The following NPC1 variants were observed in gnomAD, a reference collection of about 807,000 sequenced individuals.
NPC1 encodes the protein Niemann-Pick C1 protein.
Under a neutral mutation model 140.4 loss-of-function variants are expected in NPC1, and 85 were observed. The ratio of observed to expected loss-of-function variants is 0.61; its 90% CI spans 0.51 to 0.72. NPC1 has a LOEUF of 0.72. NPC1 is among the 30% of genes least tolerant of loss of function. The probability of loss-of-function intolerance (pLI) is 0.00; values close to 1 mark genes in which losing one functional copy is unlikely to be tolerated. For missense variants in NPC1, 1,504 were observed against 1,623.8 expected (o/e 0.93, Z 1.27); for synonymous variants, 656 against 624.8 (o/e 1.05, Z -0.74).
intron 6 of NPC1, among the ~76,000 whole-genome samples, chr18:23,558,843 G>T (rs2058993349): frequency 6.6e-6 from 1 of 152,090 alleles, no homozygotes. Context: ...TTTAGCATTA[G>T]GTATATCTCC....
downstream of NPC1, chr18:23,530,530 A>G: frequency 1.2e-6 from 2 of 1,614,276 alleles, no homozygotes; most frequent in Non-Finnish European, 1.7e-6. Context: ...AGCAGACTGA[A>G]GACAACATGC....
intron 1 of NPC1, chr18:23,576,577 T>G (rs1372608241): frequency 1.2e-6 from 1 of 811,004 alleles, no homozygotes; most frequent in East Asian, 1.1e-4. Context: ...ACTTCAAGAA[T>G]GAAGCCGCGG....
At chr18:23,529,846 CATT>C (rs1217243788), downstream of NPC1, 5 of 1,069,078 alleles carry the variant, frequency 4.7e-6, no homozygotes, top group East Asian at 7.1e-5. Flanking sequence ...TGACTCCTGA[CATT>C]ATTAGTTGGA....
intron 4 of NPC1, among the ~76,000 whole-genome samples, chr18:23,567,776 G>A (rs532231729): frequency 1.3e-4 from 20 of 152,248 alleles, no homozygotes; most frequent in African/African-American, 4.8e-4. Context: ...GTTTTGAAAC[G>A]ATTGTACCAA....
downstream of NPC1, chr18:23,527,662 A>T: frequency 5.6e-6 from 1 of 177,412 alleles, no homozygotes; most frequent in South Asian, 9.2e-5. Context: ...CAGGTCTTTA[A>T]AGTAGAGTGT....
chr18:23,558,716 AG>A (rs1365671448), intron 6 of NPC1, among the ~76,000 whole-genome samples: 1 of 150,552 alleles, frequency 6.6e-6, no homozygotes, highest in Non-Finnish European at 1.5e-5. Context: ...TTGTACTATG[AG>A]TTTTTTTTTT....
intron 6 of NPC1, among the ~76,000 whole-genome samples, chr18:23,558,696 G>A (rs1437779122): frequency 1.3e-5 from 2 of 152,026 alleles, no homozygotes; most frequent in Non-Finnish European, 1.5e-5. Context: ...CATGGTCGTG[G>A]TTTTGATCAT....
At chr18:23,538,693 G>T in intron 19 of NPC1, 22 bp from the exon 20 acceptor site, 2 of 1,613,304 alleles carry the variant, frequency 1.2e-6, no homozygotes, top group Non-Finnish European at 1.7e-6. Flanking sequence ...ATGCAGGGAG[G>T]ACTGTTAGAA....
In NPC1 at chr18:23,533,399, G is replaced by T; in HGVS notation, c.3710C>A (p.Ala1237Asp). The T allele has an allele frequency of 6.2e-7, 1 of 1,614,064 alleles. No homozygotes were observed. Among genetic ancestry groups the T allele is most frequent in the Non-Finnish European group, 8.5e-7 (1 of 1,179,958 alleles). The change falls in exon 24 of 25, where the codon GCC (alanine) becomes GAC (aspartate). Residue 1237 changes from alanine (A) to aspartate (D), a missense_variant. By Grantham distance (126) the Ala-to-Asp change is moderately radical. Coordinates refer to ENST00000269228, the MANE Select transcript of NPC1 (RefSeq NM_000271.5). ...AGGGAGAAATATTAATCCGTGAGTGGCTCCCAGTAAGACCATGGCCAAATA... is the reference window on the plus strand; with the variant it reads ...AGGGAGAAATATTAATCCGTGAGTGTCTCCCAGTAAGACCATGGCCAAATA... ...RMYLAMVLLGATHGLIFLPVL... is the reference protein window; with the variant it reads ...RMYLAMVLLGDTHGLIFLPVL...
rs1206085133 is a variant in NPC1, at chr18:23,535,642, G to A, written c.3304C>T (p.Leu1102Phe). The A allele has an allele frequency of 6.2e-7, 1 of 1,614,150 alleles. No individual in the cohort carries two copies. The highest frequency in any genetic ancestry group is 1.1e-5 in the South Asian group (1 of 91,066). Reference sequence around the variant, plus strand: ...AATATCGCGCCCAGGGACACACCGAGGTTGAAGATAGTGTCGTCAATGATG... The same window carrying A: ...AATATCGCGCCCAGGGACACACCGAAGTTGAAGATAGTGTCGTCAATGATG... ...LTIIDDTIFN[L>F]GVSLGAIFLV... The change falls in exon 22 of 25, where the codon CTC becomes TTC. Residue 1102 changes from leucine to phenylalanine, a missense_variant. By Grantham distance (22) the Leu-to-Phe change is conservative (BLOSUM62 0). Coordinates refer to ENST00000269228, the MANE Select transcript of NPC1 (RefSeq NM_000271.5).
chr18:23,544,849 A>G, intron 12 of NPC1, 111 bp downstream of exon 12: 5 of 816,580 alleles, frequency 6.1e-6, no homozygotes, highest in Non-Finnish European at 1.0e-5. Flanking sequence ...ACATGGGGGA[A>G]TTTATGGCAG....
At chr18:23,537,546 T>G (rs561152899) in intron 20 of NPC1, among the ~76,000 whole-genome samples, 1 of 152,294 alleles carries the variant, frequency 6.6e-6, no homozygotes, top group South Asian at 2.1e-4. Context: ...TTACTGGTCA[T>G]GTAACCCCGA....
intron 3 of NPC1, among the ~76,000 whole-genome samples, chr18:23,513,652 A>G (rs953669641): frequency 2.0e-5 from 3 of 152,210 alleles, no homozygotes; most frequent in Non-Finnish European, 4.4e-5. Context: ...CCATTTTGCA[A>G]TCCCTCCAAG....
At chr18:23,543,398 CCTT>C in intron 14 of NPC1, 54 bp downstream of exon 14, 1 of 969,326 alleles carries the variant, frequency 1.0e-6, no homozygotes, top group African/African-American at 1.6e-5. Context: ...GTAGCCAGCT[CCTT>C]CTTTCTCCAG....
chr18:23,522,792 GT>G (rs2058177398), exon 2 of NPC1: 1 of 152,406 alleles, frequency 6.6e-6, no homozygotes. Flanking sequence ...ATTTTCAGAG[GT>G]TAGTGACTCT....
intron 3 of NPC1, among the ~76,000 whole-genome samples, chr18:23,517,071 A>G (rs1209138687): frequency 6.6e-6 from 1 of 152,072 alleles, no homozygotes; most frequent in Non-Finnish European, 1.5e-5. Context: ...ATTGTTCTAA[A>G]TAAGAAAATA....
In NPC1 at chr18:23,539,944, G is replaced by A. The variant is rs1191346899; in HGVS notation, c.2662C>T (p.Pro888Ser). ...CCTTCCTCCAGGACAAAGTACACAG[G>A]CGGACCCGCATGCAGGTACTGACTG... ...SISQYLHAGPPVYFVLEEGHD... is the reference protein window; with the variant it reads ...SISQYLHAGPSVYFVLEEGHD... The change falls in exon 18 of 25, where the codon CCT (proline) becomes TCT (serine). Residue 888 changes from proline (P) to serine (S), a missense_variant. Transcript: ENST00000269228. 2 of 1,614,228 alleles carry A rather than the reference G, an allele frequency of 1.2e-6. No homozygotes were observed. The highest frequency in any genetic ancestry group is 1.7e-6 in the Non-Finnish European group (2 of 1,180,034).
chr18:23,506,916 G>A (rs1300012998), intron 3 of NPC1: 1 of 1,191,496 alleles, frequency 8.4e-7, no homozygotes, highest in East Asian at 2.4e-5. Flanking sequence ...TTCAATAAAT[G>A]GTAGTAGCTA....
Position 23,551,663 on chromosome 18 carries a change from G to A in NPC1, c.1618C>T (p.Pro540Ser), listed in dbSNP as rs886044064. Reference sequence around the variant, plus strand: ...CCCAACACAAGCCACGGGAACACTGGTCCACCAAACGTACCCAGACAAGGG... The same window carrying A: ...CCCAACACAAGCCACGGGAACACTGATCCACCAAACGTACCCAGACAAGGG... ...HDPCLGTFGG[P>S]VFPWLVLGGY... Residue 540 changes from proline to serine, a missense_variant, in exon 10 of 25, where the codon CCA becomes TCA. Transcript: ENST00000269228. 6 of 1,613,944 alleles carry A rather than the reference G, an allele frequency of 3.7e-6. No homozygotes were observed. In the Admixed American group the frequency reaches 1.0e-4, roughly 27 times the overall value.
Sources: gnomAD v4.1 joint callset for allele counts (sites outside exome capture counted in the v4.1 genomes callset) on GRCh38, gnomAD v4.1.1 for gene constraint, MANE v1.5 for transcripts, NCBI Gene and HGNC (gene_info 2026-07-23, HGNC 2026-07-21) for gene names.